MTCL1: variants seen among roughly 807,000 people sequenced by gnomAD.
MTCL1 encodes microtubule cross-linking factor 1.
MTCL1 carries 79 observed loss-of-function variants against 141.4 expected under a neutral mutation model. The ratio of observed to expected loss-of-function variants is 0.56; its 90% CI spans 0.47 to 0.67. The LOEUF is 0.67. Among genes scored for constraint, MTCL1 ranks in the 30% least tolerant of loss-of-function variants. The pLI, the probability that MTCL1 is intolerant of heterozygous loss-of-function variation, is 0.00. For missense variants in MTCL1, 2,177 were observed against 2,113.9 expected (o/e 1.03, Z -0.59); for synonymous variants, 914 against 875.8 (o/e 1.04, Z -0.77).
rs563591519 is a variant in MTCL1 at position 8,778,656 on chromosome 18, A to G, written c.417+764A>G. On this transcript the variant is annotated intron_variant, in intron 5 of 16. Transcript: ENST00000359865. ...CTCACTGATCCCCAGGGCATCATTC[A>G]AGGGGGGGCAGGCCCCTGCAGCAGC... Among the ~76,000 whole-genome samples, 5 of 152,320 alleles carry G rather than the reference A, an allele frequency of 3.3e-5. No individual in the cohort carries two copies. The East Asian group carries it at 9.6e-4, about 29-fold the overall frequency.
At chr18:8,825,149 C>G (rs1036656486) in exon 15 of MTCL1, 18 of 1,584,016 alleles carry the variant, frequency 1.1e-5, no homozygotes, top group African/African-American at 8.1e-5. Flanking sequence ...GTGAGGGTCC[C>G]TTTCCCACAA....
rs554525790 is a variant in MTCL1, at chr18:8,783,737, C to G, written c.625C>G (p.Leu209Val). The stretch of plus-strand genomic sequence containing the variant: ...CAGCACCCGGGAGGCCGAGCTGAAG[C>G]TGCGGCTAAAGCTGGTGGAGGAGGA... Residue 209 changes from leucine (L) to valine (V), a missense_variant, in exon 6 of 17, where the codon CTG (leucine) becomes GTG (valine). Physicochemically the swap from Leu to Val is conservative, Grantham distance 32. Transcript: ENST00000359865. The G allele has an allele frequency of 1.2e-5, 20 of 1,610,254 alleles. No homozygotes were observed. The African/African-American group carries it at 2.5e-4, about 20-fold the overall frequency.
chr18:8,746,314 T>C (rs1449545524), intron 4 of MTCL1, among the ~76,000 whole-genome samples: 1 of 152,226 alleles, frequency 6.6e-6, no homozygotes, highest in Non-Finnish European at 1.5e-5. Flanking sequence ...ACCGCCCCAC[T>C]GTTTTCCACA....
intron 11 of MTCL1, among the ~76,000 whole-genome samples, chr18:8,812,131 A>G (rs561203862): frequency 2.0e-5 from 3 of 152,368 alleles, no homozygotes; most frequent in Admixed American, 1.3e-4. Flanking sequence ...ATCAAATATT[A>G]AAACAGAAAA....
At chr18:8,728,791 C>CCA (rs2096233340) in intron 4 of MTCL1, among the ~76,000 whole-genome samples, 1 of 39,214 alleles carries the variant, frequency 2.6e-5, no homozygotes, top group Admixed American at 4.8e-4. Context: ...AGTGCAGTGG[C>CCA]GTGATTGATC....
rs201913027 is a variant in MTCL1, at chr18:8,824,694, C to T, written c.3189-5C>T. ...TACTGACACCCTCTTTTCTGCTTTT[C>T]CCAGGGCGGTGTCCGTGTCCTCCAT... On this transcript the variant is annotated splice_region_variant and splice_polypyrimidine_tract_variant and intron_variant, in intron 14 of 16. Coordinates refer to ENST00000359865, the Ensembl canonical transcript of MTCL1. 5 of 1,603,472 alleles carry T rather than the reference C, an allele frequency of 3.1e-6. No homozygotes were observed. In the South Asian group the frequency reaches 3.4e-5, roughly 11 times the overall value.
intron 4 of MTCL1, among the ~76,000 whole-genome samples, chr18:8,743,627 A>G (rs2096317556): frequency 1.3e-5 from 2 of 152,236 alleles, no homozygotes; most frequent in African/African-American, 2.4e-5. Flanking sequence ...TTCTTGGCTC[A>G]TGCCCTCTTT....
exon 3 of MTCL1, chr18:8,718,461 T>C (rs1264781800): frequency 6.2e-7 from 1 of 1,614,074 alleles, no homozygotes; most frequent in Non-Finnish European, 8.5e-7. Context: ...ATGGAAGAGA[T>C]GAGAGACAGT....
intron 4 of MTCL1, among the ~76,000 whole-genome samples, chr18:8,726,514 C>A (rs149113753): frequency 0.29 from 36,143 of 126,080 alleles, 5,295 homozygotes; most frequent in Admixed American, 0.4. Flanking sequence ...CGCGCAAGAG[C>A]GAGCGAGAGA....
exon 6 of MTCL1, chr18:8,784,353 G>A (rs1370377085): frequency 6.5e-7 from 1 of 1,538,690 alleles, no homozygotes; most frequent in Non-Finnish European, 8.8e-7. Flanking sequence ...CCTGTTGGCG[G>A]GGAGAGTGAC....
chr18:8,747,792 G>A lies in MTCL1; in HGVS notation c.357+27296G>A, dbSNP rs111614718. 1.4e-3 allele frequency among the ~76,000 whole-genome samples: 219 copies of A among 152,320 alleles called. 1 individual carries two copies. The highest frequency in any genetic ancestry group is 4.6e-3 in the African/African-American group (190 of 41,564). On this transcript the variant is annotated intron_variant, in intron 4 of 16. Transcript: ENST00000359865. Reference sequence around the variant, plus strand: ...GGAATCTGACACTGCCCTGCCCTGCGAGGACAGGATCAGTGGGCTCGCATT... The same window carrying A: ...GGAATCTGACACTGCCCTGCCCTGCAAGGACAGGATCAGTGGGCTCGCATT...
At chr18:8,713,783 A>G (rs2096109053), upstream of MTCL1, among the ~76,000 whole-genome samples, 1 of 152,228 alleles carries the variant, frequency 6.6e-6, no homozygotes, top group Non-Finnish European at 1.5e-5. Flanking sequence ...CTCGTTTTAA[A>G]GATGGGAGTA....
chr18:8,729,785 A>G (rs2096241309), intron 4 of MTCL1, among the ~76,000 whole-genome samples: 1 of 139,330 alleles, frequency 7.2e-6, no homozygotes, highest in Admixed American at 7.4e-5. Context: ...ATCCTCTTAC[A>G]AGGTTTTCTC....
intron 4 of MTCL1, among the ~76,000 whole-genome samples, chr18:8,731,856 G>A (rs1016641876): frequency 1.3e-5 from 2 of 152,072 alleles, no homozygotes; most frequent in Non-Finnish European, 2.9e-5. Flanking sequence ...TTACAGGTGT[G>A]CACCACCACA....
At chr18:8,715,002 T>C (rs1270296919), upstream of MTCL1, among the ~76,000 whole-genome samples, 2 of 152,132 alleles carry the variant, frequency 1.3e-5, no homozygotes, top group Admixed American at 6.6e-5. Context: ...TTCACTGTGT[T>C]AGCCAGGATG....
rs749234625 is a variant in MTCL1, at chr18:8,826,071, C to T, written c.4561C>T (p.Pro1521Ser). Residue 1521 changes from proline (P) to serine (S), a missense_variant, in exon 15 of 17, where the codon CCC (proline) becomes TCC (serine). Transcript: ENST00000359865. ...GCCAGTGAAGCAGGACTTATCTGCT[C>T]CCCCTGGCTACACGCTCACTGAGAA... 5 of 1,611,038 alleles carry T rather than the reference C, an allele frequency of 3.1e-6. No individual in the cohort carries two copies. The South Asian group carries it at 4.4e-5, about 14-fold the overall frequency.
chr18:8,735,381 A>C (rs930425784), intron 4 of MTCL1, among the ~76,000 whole-genome samples: 3 of 152,056 alleles, frequency 2.0e-5, no homozygotes, highest in Non-Finnish European at 4.4e-5. Context: ...AATGGCACTG[A>C]ATCTGTGTGG....
At chr18:8,741,843 G>A (rs1453760038) in intron 4 of MTCL1, among the ~76,000 whole-genome samples, 1 of 152,198 alleles carries the variant, frequency 6.6e-6, no homozygotes, top group Non-Finnish European at 1.5e-5. Context: ...CTGGGAGCCA[G>A]GGCCTGTGTT....
exon 15 of MTCL1, chr18:8,824,744 C>T (rs1407700433): frequency 1.9e-6 from 3 of 1,613,968 alleles, no homozygotes; most frequent in Admixed American, 1.7e-5. Flanking sequence ...GTCTAATGGA[C>T]ATCTCCCCCT....
Sources: gnomAD v4.1 joint callset for allele counts (sites outside exome capture counted in the v4.1 genomes callset) on GRCh38, gnomAD v4.1.1 for gene constraint, MANE v1.5 for transcripts, NCBI Gene and HGNC (gene_info 2026-07-23, HGNC 2026-07-21) for gene names.